The following CD274 variants were observed in gnomAD, a reference collection of about 807,000 sequenced individuals.
CD274 encodes CD274 molecule.
In CD274, 8 loss-of-function variants were observed where a neutral mutation model predicts 30.1. The observed-to-expected ratio is 0.27, with a 90% confidence interval of 0.16 to 0.48. CD274 has a LOEUF of 0.48. Among genes scored for constraint, CD274 ranks in the 20% least tolerant of loss-of-function variants. CD274 has a pLI of 0.99. For missense variants in CD274, 353 were observed against 346.6 expected (o/e 1.02, Z -0.15); for synonymous variants, 152 against 124.6 (o/e 1.22, Z -1.46).
chr9:5,467,953 GGGCCCGTGGGATGCA>G lies in CD274; in HGVS notation c.*95_*109del. On this transcript the variant is annotated 3_prime_UTR_variant, in exon 7 of 7. Transcript: ENST00000381577. ...GCTGAGCGTGACAAGAGGAAGGAAT[GGGCCCGTGGGATGCA>G]GGCAATGTGGGACTTAAAAGGCCCA... 1 of 1,157,348 alleles carries G rather than the reference GGGCCCGTGGGATGCA, an allele frequency of 8.6e-7. No homozygotes were observed. The highest frequency in any genetic ancestry group is 1.3e-6 in the Non-Finnish European group (1 of 765,980). 71.7% of individuals were successfully genotyped at this position (1,157,348 alleles called of 1,614,324 possible). A position where few individuals can be genotyped will look rare whatever the true frequency, so the allele number is the denominator to read the frequency against.
At chr9:5,465,741 T>C (rs1819487935) in intron 5 of CD274, 135 bp downstream of exon 5, 6 of 583,112 alleles carry the variant, frequency 1.0e-5, no homozygotes, top group Non-Finnish European at 1.5e-5. Flanking sequence ...AGCAATTATA[T>C]TGAAGCTGAG....
At chr9:5,463,213 T>C (rs938715528) in intron 4 of CD274, 92 bp downstream of exon 4, 2 of 967,384 alleles carry the variant, frequency 2.1e-6, no homozygotes, top group African/African-American at 3.2e-5. Context: ...TCAGTGATTG[T>C]TGAATAAATG....
In CD274 at chr9:5,464,167, G is replaced by A. The variant is rs548837397; in HGVS notation, c.682+1046G>A. Among the ~76,000 whole-genome samples the A allele has an allele frequency of 9.2e-5, 14 of 152,254 alleles. No individual in the cohort carries two copies. The East Asian group carries it at 1.9e-3, about 21-fold the overall frequency. ...GATGGGGATGCTCTTACTGGGGTACGAGTCCTCAGGTATTGAACTGGCTTT... is the reference window on the plus strand; with the variant it reads ...GATGGGGATGCTCTTACTGGGGTACAAGTCCTCAGGTATTGAACTGGCTTT... On this transcript the variant is annotated intron_variant, in intron 4 of 6. Transcript: ENST00000381577.
In CD274 at chr9:5,470,043, G is replaced by GCCCT. The variant is rs1819563967; in HGVS notation, c.*2184_*2187dup. On this transcript the variant is annotated 3_prime_UTR_variant, in exon 7 of 7. Coordinates refer to ENST00000381577, the MANE Select transcript of CD274 (RefSeq NM_014143.4). ...TGCCACCAGCTGTCATCACTACACAGCCCTCCTAAGAGGCTTCCTGGAGGT... is the reference window on the plus strand; with the variant it reads ...TGCCACCAGCTGTCATCACTACACAGCCCTCCCTCCTAAGAGGCTTCCTGGAGGT... 4.3e-6 allele frequency: 1 copy of GCCCT among 233,068 alleles called. No homozygotes were observed. The highest frequency in any genetic ancestry group is 6.0e-5 in the East Asian group (1 of 16,584). 14.4% of individuals were successfully genotyped at this position (233,068 alleles called of 1,614,324 possible). A position where few individuals can be genotyped will look rare whatever the true frequency, so the allele number is the denominator to read the frequency against.
Position 5,470,104 on chromosome 9 carries a change from T to C in CD274, c.*2242T>C, listed in dbSNP as rs1819564884. Reference sequence around the variant, plus strand: ...AGATGCCCTGGGAGATCCCAGAGTTTCCTTTCCCTCTTGGCCATATTCTGG... The same window carrying C: ...AGATGCCCTGGGAGATCCCAGAGTTCCCTTTCCCTCTTGGCCATATTCTGG... On this transcript the variant is annotated 3_prime_UTR_variant, in exon 7 of 7. Coordinates refer to ENST00000381577, the MANE Select transcript of CD274 (RefSeq NM_014143.4). 4.3e-6 allele frequency: 1 copy of C among 233,026 alleles called. No individual in the cohort carries two copies. The highest frequency in any genetic ancestry group is 8.5e-6 in the Non-Finnish European group (1 of 117,946). 14.4% of individuals were successfully genotyped at this position (233,026 alleles called of 1,614,324 possible).
At chr9:5,461,622 G>T (rs1232722839) in intron 3 of CD274, among the ~76,000 whole-genome samples, 5 of 151,970 alleles carry the variant, frequency 3.3e-5, no homozygotes, top group South Asian at 4.2e-4. Flanking sequence ...GATCATTAGT[G>T]GTTACACTAT....
In CD274 at chr9:5,468,038, G is replaced by C. The variant is rs1021340702; in HGVS notation, c.*176G>C. On this transcript the variant is annotated 3_prime_UTR_variant, in exon 7 of 7. Transcript: ENST00000381577. ...GGCGAAAGCAGAGGAGGAGAATGAA[G>C]AAAGATGGAGTCAAACAGGGAGCCT... The C allele has an allele frequency of 4.8e-6, 3 of 628,450 alleles. No homozygotes were observed. Among genetic ancestry groups the C allele is most frequent in the Non-Finnish European group, 8.6e-6 (3 of 347,636 alleles). The allele number at this position is 628,450 out of a possible 1,614,324, so 38.9% of individuals were successfully genotyped here.
chr9:5,462,280 T>C (rs968647877), intron 3 of CD274, among the ~76,000 whole-genome samples: 2 of 152,124 alleles, frequency 1.3e-5, no homozygotes, highest in African/African-American at 4.8e-5. Flanking sequence ...TACTGAAGTC[T>C]AAGAAAAGAA....
chr9:5,463,323 TG>T, intron 4 of CD274: 1 of 584,318 alleles, frequency 1.7e-6, no homozygotes, highest in South Asian at 2.0e-5. Flanking sequence ...CAGATATTTA[TG>T]GAATATACCT....
In CD274 at chr9:5,462,838, A is replaced by T. The variant is rs1316274742; in HGVS notation, c.399A>T (p.Pro133=). The T allele has an allele frequency of 1.9e-6, 3 of 1,612,968 alleles. No individual in the cohort carries two copies. In the Admixed American group the frequency reaches 5.0e-5, roughly 27 times the overall value. ...TTCTTTTTGTTTATGTCCTAGCCCC[A>T]TACAACAAAATCAACCAAAGAATTT... ...YKRITVKVNA[P]YNKINQRILV... is the part of the protein sequence containing the mutation. Residue 133 remains proline (P), a synonymous_variant, in exon 4 of 7, where the codon CCA becomes CCT. Transcript: ENST00000381577.
chr9:5,458,667 T>C (rs1441717115), intron 3 of CD274, among the ~76,000 whole-genome samples: 3 of 152,204 alleles, frequency 2.0e-5, no homozygotes, highest in Admixed American at 1.3e-4. Context: ...TTAAGAGAAA[T>C]GTATCAGTTT....
In CD274 at chr9:5,457,266, C is replaced by A. The variant is rs1183161478; in HGVS notation, c.240C>A (p.Ser80Arg). Residue 80 changes from serine to arginine, a missense_variant, in exon 3 of 7, where the codon AGC (serine) becomes AGA (arginine). Coordinates refer to ENST00000381577, the MANE Select transcript of CD274 (RefSeq NM_014143.4). The stretch of plus-strand genomic sequence containing the variant: ...AAGACCTGAAGGTTCAGCATAGTAG[C>A]TACAGACAGAGGGCCCGGCTGTTGA... ...GEEDLKVQHS[S>R]YRQRARLLKD... 6.2e-7 allele frequency: 1 copy of A among 1,614,042 alleles called. No individual in the cohort carries two copies.
chr9:5,463,851 AT>A (rs200703983), intron 4 of CD274, among the ~76,000 whole-genome samples: 6 of 151,360 alleles, frequency 4.0e-5, no homozygotes, highest in African/African-American at 1.2e-4. Context: ...AAATTCAACT[AT>A]TTTTTTTTAT....
chr9:5,457,981 T>A (rs556836959), intron 3 of CD274, among the ~76,000 whole-genome samples: 213 of 152,332 alleles, frequency 1.4e-3, no homozygotes, highest in Non-Finnish European at 2.6e-3. Flanking sequence ...AGTCACCCTA[T>A]GAAGACAAAA....
At position 5,466,783 on chromosome 9, in the gene CD274, T is replaced by A; in HGVS notation, c.804T>A (p.Asp268Glu). 2 of 1,609,878 alleles carry A rather than the reference T, an allele frequency of 1.2e-6. No individual in the cohort carries two copies. The highest frequency in any genetic ancestry group is 1.7e-4 in the Middle Eastern group (1 of 6,038). ...IFRLRKGRMM[D>E]VKKCGIQDTN... is the part of the protein sequence containing the mutation. The stretch of plus-strand genomic sequence containing the variant: ...CTTTTTCTCAAGGGAGAATGATGGA[T>A]GTGAAAAAATGTGGCATCCAAGATA... The change falls in exon 6 of 7, where the codon GAT becomes GAA. Residue 268 changes from aspartate (D) to glutamate (E), a missense_variant. By Grantham distance (45) the Asp-to-Glu change is conservative (BLOSUM62 2). Transcript: ENST00000381577.
chr9:5,459,828 A>G (rs1401961863), intron 3 of CD274, among the ~76,000 whole-genome samples: 1 of 152,170 alleles, frequency 6.6e-6, no homozygotes, highest in African/African-American at 2.4e-5. Flanking sequence ...AAAGTGTTGC[A>G]TAGTTGTCCC....
chr9:5,455,022 C>G (rs1277902897), intron 1 of CD274, among the ~76,000 whole-genome samples: 2 of 151,998 alleles, frequency 1.3e-5, no homozygotes, highest in African/African-American at 4.8e-5. Flanking sequence ...TTGTTAGGAG[C>G]TATTTATATA....
At chr9:5,461,530 GT>G in intron 3 of CD274, among the ~76,000 whole-genome samples, 1 of 151,902 alleles carries the variant, frequency 6.6e-6, no homozygotes, top group East Asian at 1.9e-4. Flanking sequence ...GATCCTAGCC[GT>G]TTTGTATTAA....
Position 5,470,204 on chromosome 9 carries a change from G to T in CD274, c.*2342G>T. 1 of 232,900 alleles carries T rather than the reference G, an allele frequency of 4.3e-6. No homozygotes were observed. Among genetic ancestry groups the T allele is most frequent in the Non-Finnish European group, 8.5e-6 (1 of 117,804 alleles). 14.4% of individuals were successfully genotyped at this position (232,900 alleles called of 1,614,324 possible). On this transcript the variant is annotated 3_prime_UTR_variant, in exon 7 of 7. Coordinates refer to ENST00000381577, the MANE Select transcript of CD274 (RefSeq NM_014143.4). ...AACAGTGTCTCCAACAGAGCTCCTT[G>T]TGTTATCTGTTTGTACATGTGCATT... is the stretch of plus-strand genomic sequence containing the variant.
Sources: gnomAD v4.1 joint callset for allele counts (sites outside exome capture counted in the v4.1 genomes callset) on GRCh38, gnomAD v4.1.1 for gene constraint, MANE v1.5 for transcripts, NCBI Gene and HGNC (gene_info 2026-07-23, HGNC 2026-07-21) for gene names.